The following RNF220 variants were observed in gnomAD, a reference collection of about 807,000 sequenced individuals.
RNF220 encodes ring finger protein 220.
RNF220 carries 7 observed loss-of-function variants against 67.1 expected under a neutral mutation model. The observed-to-expected ratio is 0.10, with a 90% CI of 0.06 to 0.20. The LOEUF is 0.20. Ranked by LOEUF, RNF220 falls within the 10% of genes least tolerant of loss-of-function variation. The pLI is 1.00. For synonymous variants in RNF220, 270 were observed against 283.2 expected, an observed-to-expected ratio of 0.95 and a Z score of 0.47; for missense variants, 565 against 740.3, an observed-to-expected ratio of 0.76 and a Z score of 2.75.
intron 2 of RNF220, among the ~76,000 whole-genome samples, chr1:44,541,606 G>T (rs1661680227): frequency 6.6e-6 from 1 of 152,204 alleles, no homozygotes; most frequent in Admixed American, 6.5e-5. Context: ...GTTCCTCAGA[G>T]ACTTACTTCA....
intron 2 of RNF220, among the ~76,000 whole-genome samples, chr1:44,418,270 G>T (rs1648805403): frequency 6.6e-6 from 1 of 152,190 alleles, no homozygotes. Flanking sequence ...ATGGGAGGAG[G>T]TTGGGGGAGC....
chr1:44,448,595 G>A (rs915472153), intron 2 of RNF220, among the ~76,000 whole-genome samples: 1 of 152,238 alleles, frequency 6.6e-6, no homozygotes, highest in African/African-American at 2.4e-5. Flanking sequence ...CTTTTAGATA[G>A]TAACAGAAAT....
Position 44,583,058 on chromosome 1 carries a change from G to A in RNF220, c.626-31107G>A, listed in dbSNP as rs575067093. ...ATCTACTGAGCTCAAGTCACTGTCC[G>A]TGGAGTCCGGTGAGGATTACTGAGA... On this transcript the variant is annotated intron_variant, in intron 2 of 14. Transcript: ENST00000361799. 1.7e-4 allele frequency among the ~76,000 whole-genome samples: 26 copies of A among 152,204 alleles called. No homozygotes were observed. In the East Asian group the frequency reaches 1.7e-3, roughly 10 times the overall value.
chr1:44,519,667 G>A (rs1053517216), intron 2 of RNF220, among the ~76,000 whole-genome samples: 8 of 152,170 alleles, frequency 5.3e-5, no homozygotes, highest in African/African-American at 1.4e-4. Flanking sequence ...AGTAGTAAGC[G>A]GCCCAAGTTG....
rs574104164 is a variant in RNF220 at position 44,432,176 on chromosome 1, G to A, written c.625+19454G>A. On this transcript the variant is annotated intron_variant, in intron 2 of 14. Coordinates refer to ENST00000361799, the MANE Select transcript of RNF220 (RefSeq NM_018150.4). ...AAGCACTTTGAATTTTTTTTTTATT[G>A]TGATAAAGTATGCATTGGGGAGGGG... is the stretch of plus-strand genomic sequence containing the variant. 7.2e-5 allele frequency among the ~76,000 whole-genome samples: 11 copies of A among 151,840 alleles called. No homozygotes were observed. The East Asian group carries it at 2.1e-3, about 29-fold the overall frequency.
At chr1:44,615,550 A>T (rs943335606) in intron 3 of RNF220, among the ~76,000 whole-genome samples, 1 of 152,106 alleles carries the variant, frequency 6.6e-6, no homozygotes, top group Non-Finnish European at 1.5e-5. Context: ...TTCTTACCGA[A>T]TCCCCATGCA....
At chr1:44,615,789 C>A (rs1490057652) in intron 3 of RNF220, among the ~76,000 whole-genome samples, 2 of 152,238 alleles carry the variant, frequency 1.3e-5, no homozygotes, top group Admixed American at 1.3e-4. Flanking sequence ...ATTTAGTCAT[C>A]TATCGCTGTG....
chr1:44,423,972 C>T (rs1326046428), intron 2 of RNF220: 1 of 985,312 alleles, frequency 1.0e-6, no homozygotes, highest in Non-Finnish European at 1.2e-6. Context: ...TGTACTCCAC[C>T]ATCCCCGCTG....
chr1:44,407,670 G>C (rs1049700468), intron 1 of RNF220, among the ~76,000 whole-genome samples: 1 of 152,042 alleles, frequency 6.6e-6, no homozygotes. Context: ...GCGGCGGCCG[G>C]ACGGCCGCGG....
chr1:44,442,514 C>CTTTTTT (rs10636964), intron 2 of RNF220, among the ~76,000 whole-genome samples: 6 of 127,754 alleles, frequency 4.7e-5, no homozygotes, highest in African/African-American at 1.2e-4. Context: ...CACTCACACT[C>CTTTTTT]TTTTTTTTTT....
intron 2 of RNF220, among the ~76,000 whole-genome samples, chr1:44,501,310 A>G (rs981730967): frequency 2.6e-5 from 4 of 151,846 alleles, no homozygotes; most frequent in South Asian, 2.1e-4. Flanking sequence ...TTGAATTTCA[A>G]TCAGGTTGGC....
chr1:44,558,087 A>G (rs1480627460), intron 2 of RNF220, among the ~76,000 whole-genome samples: 1 of 152,238 alleles, frequency 6.6e-6, no homozygotes, highest in Non-Finnish European at 1.5e-5. Flanking sequence ...TGTCTAAATG[A>G]AGAAGGATTT....
chr1:44,460,319 T>C (rs1653639874), intron 2 of RNF220, among the ~76,000 whole-genome samples: 1 of 152,180 alleles, frequency 6.6e-6, no homozygotes, highest in South Asian at 2.1e-4. Flanking sequence ...TGGGGTTCAC[T>C]GAAGTAGTAA....
chr1:44,461,913 C>CT (rs1653797081), intron 2 of RNF220, among the ~76,000 whole-genome samples: 1 of 129,644 alleles, frequency 7.7e-6, no homozygotes, highest in Non-Finnish European at 1.6e-5. Flanking sequence ...TTTTTCTTTT[C>CT]TTTTTTCTTT....
intron 3 of RNF220, among the ~76,000 whole-genome samples, chr1:44,618,282 A>C (rs1191846444): frequency 6.6e-6 from 1 of 152,184 alleles, no homozygotes; most frequent in Non-Finnish European, 1.5e-5. Context: ...TATACAGGAC[A>C]TGCAGGTGCA....
At chr1:44,613,649 G>C (rs1468783158) in intron 2 of RNF220, among the ~76,000 whole-genome samples, 1 of 152,170 alleles carries the variant, frequency 6.6e-6, no homozygotes, top group African/African-American at 2.4e-5. Context: ...GACCAAGGCT[G>C]GCAGATGACT....
At chr1:44,548,977 A>T (rs1662398607) in intron 2 of RNF220, among the ~76,000 whole-genome samples, 1 of 152,224 alleles carries the variant, frequency 6.6e-6, no homozygotes, top group Non-Finnish European at 1.5e-5. Flanking sequence ...AGGCGGGCAG[A>T]TCAGTTCCAG....
intron 2 of RNF220, among the ~76,000 whole-genome samples, chr1:44,556,850 C>T (rs1213303368): frequency 4.6e-5 from 7 of 152,096 alleles, no homozygotes; most frequent in African/African-American, 1.4e-4. Context: ...TAAGCCACCG[C>T]GCCCGGCCTC....
intron 2 of RNF220, among the ~76,000 whole-genome samples, chr1:44,573,821 G>T (rs758039048): frequency 5.9e-5 from 9 of 152,164 alleles, no homozygotes; most frequent in Non-Finnish European, 1.0e-4. Flanking sequence ...TGGTCATACT[G>T]TAATATTCAG....
Sources: allele counts gnomAD v4.1 joint callset (sites outside exome capture counted in the v4.1 genomes callset), GRCh38; gene constraint gnomAD v4.1.1; transcripts MANE v1.5; gene names NCBI Gene and HGNC (gene_info 2026-07-23, HGNC 2026-07-21).